CSNK1G2: variants seen among roughly 807,000 people sequenced by gnomAD.
CSNK1G2 encodes the protein casein kinase 1 gamma 2.
CSNK1G2 carries 11 observed loss-of-function variants against 48.0 expected under a neutral mutation model. The observed-to-expected ratio is 0.23, with a 90% confidence interval of 0.14 to 0.38. CSNK1G2 has a LOEUF of 0.38. Ranked by LOEUF, CSNK1G2 falls within the 10% of genes least tolerant of loss-of-function variation. The pLI is 1.00. For synonymous variants in CSNK1G2, 337 were observed against 254.1 expected (o/e 1.33, Z -3.10); for missense variants, 446 against 595.5 (o/e 0.75, Z 2.61).
At chr19:1,958,309 A>G (rs12977121) in intron 1 of CSNK1G2, among the ~76,000 whole-genome samples, 59,970 of 151,554 alleles carry the variant, frequency 0.4, 14,216 homozygotes, top group African/African-American at 0.64. Context: ...TGTGTATGTT[A>G]GGGGAACAGG....
At chr19:1,965,199 C>T (rs1479297311) in intron 1 of CSNK1G2, among the ~76,000 whole-genome samples, 2 of 149,636 alleles carry the variant, frequency 1.3e-5, no homozygotes, top group South Asian at 4.3e-4. Flanking sequence ...ATCGAGACCA[C>T]AGTGAAACCG....
rs1191097250 is a variant in CSNK1G2 at position 1,957,316 on chromosome 19, G to T, written c.-265-12192G>T. Among the ~76,000 whole-genome samples the T allele has an allele frequency of 6.6e-6, 1 of 152,254 alleles. No individual in the cohort carries two copies. Among genetic ancestry groups the T allele is most frequent in the East Asian group, 1.9e-4 (1 of 5,196 alleles). Reference sequence around the variant, plus strand: ...TGGAGGCCCGCAAGGATGAGAAGCAGTGTGTGCCCGGGAGGTCACGTGGGC... The same window carrying T: ...TGGAGGCCCGCAAGGATGAGAAGCATTGTGTGCCCGGGAGGTCACGTGGGC... On this transcript the variant is annotated intron_variant, in intron 1 of 11. Transcript: ENST00000255641. The surrounding 1 kb of genome is among the most constrained non-coding windows in gnomAD (Gnocchi z 5.4).
At chr19:1,943,965 T>C (rs2014461645) in intron 1 of CSNK1G2, among the ~76,000 whole-genome samples, 1 of 152,098 alleles carries the variant, frequency 6.6e-6, no homozygotes, top group Admixed American at 6.5e-5. Context: ...GCTGCGGGCC[T>C]CGGGTGGCAG....
chr19:1,962,589 C>T (rs960901705), intron 1 of CSNK1G2, among the ~76,000 whole-genome samples: 4 of 151,842 alleles, frequency 2.6e-5, no homozygotes, highest in African/African-American at 4.8e-5. Flanking sequence ...TGCTTGAGCC[C>T]GGGAGACAAG....
chr19:1,956,432 G>C (rs1042467529), intron 1 of CSNK1G2, among the ~76,000 whole-genome samples: 1 of 152,200 alleles, frequency 6.6e-6, no homozygotes. Context: ...CGGGAAAATT[G>C]CTTGAACTCG....
intron 2 of CSNK1G2, among the ~76,000 whole-genome samples, chr19:1,973,177 T>A (rs1172107346): frequency 6.6e-6 from 1 of 151,914 alleles, no homozygotes; most frequent in Non-Finnish European, 1.5e-5. Flanking sequence ...TCTGCCCGCC[T>A]CGGCCTCCCA....
At chr19:1,969,396 T>A (rs2015488710) in intron 1 of CSNK1G2, 112 bp from the exon 2 acceptor site, 1 of 166,412 alleles carries the variant, frequency 6.0e-6, no homozygotes, top group African/African-American at 2.4e-5. Context: ...CCTTCAGAGC[T>A]CCTTCCAGCC....
Position 1,973,389 on chromosome 19 carries a change from T to C in CSNK1G2, c.187+3430T>C, listed in dbSNP as rs144156672. Among the ~76,000 whole-genome samples, 34 of 152,060 alleles carry C rather than the reference T, an allele frequency of 2.2e-4. No individual in the cohort carries two copies. In the East Asian group the frequency reaches 6.0e-3, roughly 27 times the overall value. On this transcript the variant is annotated intron_variant, in intron 2 of 11. Transcript: ENST00000255641. ...GTGCCTGCCACCACGCCCAGCTAAA[T>C]TTTTGTATTTTTAGTAGAGACAGGG...
intron 1 of CSNK1G2, among the ~76,000 whole-genome samples, chr19:1,945,967 CAGTGG>C (rs1220309101): frequency 6.6e-6 from 1 of 152,168 alleles, no homozygotes; most frequent in African/African-American, 2.4e-5. Flanking sequence ...GCAGGCAGCC[CAGTGG>C]AGTGGGGCAA....
intron 2 of CSNK1G2, among the ~76,000 whole-genome samples, chr19:1,970,923 G>A (rs1024110173): frequency 6.6e-6 from 1 of 152,206 alleles, no homozygotes; most frequent in South Asian, 2.1e-4. Context: ...CACTCAGCCC[G>A]ATGAGGTTGT....
intron 1 of CSNK1G2, among the ~76,000 whole-genome samples, chr19:1,943,836 G>A (rs1222056201): frequency 6.6e-6 from 1 of 152,210 alleles, no homozygotes; most frequent in African/African-American, 2.4e-5. Flanking sequence ...GCTGCCCCAG[G>A]CCCCCAGGGG....
intron 1 of CSNK1G2, among the ~76,000 whole-genome samples, chr19:1,967,742 C>T (rs57242243): frequency 0.081 from 5,244 of 65,104 alleles, 179 homozygotes; most frequent in African/African-American, 0.095. Flanking sequence ...CTTCCTCCCT[C>T]CTCCCCAGGC....
chr19:1,968,810 G>A (rs2015466128), intron 1 of CSNK1G2: 1 of 152,530 alleles, frequency 6.6e-6, no homozygotes, highest in Non-Finnish European at 1.5e-5. Flanking sequence ...GCACCGAAGG[G>A]GATGGGTCCG....
chr19:1,973,493 G>A (rs924995533), intron 2 of CSNK1G2, among the ~76,000 whole-genome samples: 2 of 152,078 alleles, frequency 1.3e-5, no homozygotes, highest in African/African-American at 4.8e-5. Context: ...TACAGGCGTG[G>A]GCCACCATAC....
At chr19:1,973,632 T>G (rs1158171227) in intron 2 of CSNK1G2, among the ~76,000 whole-genome samples, 1 of 152,140 alleles carries the variant, frequency 6.6e-6, no homozygotes, top group African/African-American at 2.4e-5. Context: ...GCTGTGCGGC[T>G]GCTGCTGCTG....
intron 1 of CSNK1G2, among the ~76,000 whole-genome samples, chr19:1,941,933 C>T (rs1188295330): frequency 2.0e-5 from 3 of 151,886 alleles, no homozygotes; most frequent in Admixed American, 6.6e-5. Flanking sequence ...TCCCCGCGTT[C>T]TGGTCCCGAG....
rs1335825980 is a variant in CSNK1G2, at chr19:1,941,370, G to A, written c.-314G>A. 6.8e-6 allele frequency: 1 copy of A among 148,054 alleles called. No homozygotes were observed. The highest frequency in any genetic ancestry group is 2.0e-4 in the East Asian group (1 of 5,100). The allele number at this position is 148,054 out of a possible 1,614,324, so 9.2% of individuals were successfully genotyped here. A position where few individuals can be genotyped will look rare whatever the true frequency, so the allele number is the denominator to read the frequency against. ...GGTCCGCGCTGCGCTGCTGAGGCCG[G>A]GCCGGCCGCCCAGACGCTGCCCGCG... is the stretch of plus-strand genomic sequence containing the variant. On this transcript the variant is annotated 5_prime_UTR_variant, in exon 1 of 12. Coordinates refer to ENST00000255641, the MANE Select transcript of CSNK1G2 (RefSeq NM_001319.7).
In CSNK1G2 at chr19:1,949,935, C is replaced by T. The variant is rs555954254; in HGVS notation, c.-266+8517C>T. Among the ~76,000 whole-genome samples the T allele has an allele frequency of 2.4e-3, 366 of 152,306 alleles. 4 individuals carry two copies. The highest frequency in any genetic ancestry group is 8.5e-3 in the African/African-American group (355 of 41,570). On this transcript the variant is annotated intron_variant, in intron 1 of 11. Coordinates refer to ENST00000255641, the MANE Select transcript of CSNK1G2 (RefSeq NM_001319.7). The stretch of plus-strand genomic sequence containing the variant: ...GTCAGGCACAGGGCCAGATCCTGCA[C>T]CCTGTGACGAGCACGGCCAGTGGGA...
intron 1 of CSNK1G2, among the ~76,000 whole-genome samples, chr19:1,945,164 C>G (rs995779526): frequency 6.6e-6 from 1 of 152,234 alleles, no homozygotes; most frequent in Non-Finnish European, 1.5e-5. Context: ...GCTTGGGGCC[C>G]TGCACCAGCC....
Sources: allele counts gnomAD v4.1 joint callset (sites outside exome capture counted in the v4.1 genomes callset), GRCh38; gene constraint gnomAD v4.1.1; non-coding constraint Gnocchi (gnomAD v3.1); transcripts MANE v1.5; gene names NCBI Gene and HGNC (gene_info 2026-07-23, HGNC 2026-07-21).